The following SAMTOR variants were observed in gnomAD, a reference collection of about 807,000 sequenced individuals.
SAMTOR encodes S-adenosylmethionine sensor upstream of mTORC1, also known as UPF0532 protein C7orf60.
At chr7:112,831,231 A>T in the SAMTOR span, among the ~76,000 whole-genome samples, 1 of 152,228 alleles carries the variant, frequency 6.6e-6, no homozygotes, top group Non-Finnish European at 1.5e-5. Flanking sequence ...GTAAAATGGT[A>T]AACATAATGA....
the SAMTOR span, among the ~76,000 whole-genome samples, chr7:112,861,202 C>A: frequency 6.6e-6 from 1 of 152,132 alleles, no homozygotes; most frequent in Non-Finnish European, 1.5e-5. Flanking sequence ...AACTTGCTGG[C>A]AACCTATACT....
chr7:112,859,417 G>C, the SAMTOR span, among the ~76,000 whole-genome samples: 1 of 152,170 alleles, frequency 6.6e-6, no homozygotes, highest in African/African-American at 2.4e-5. Flanking sequence ...TCTTGGAAAA[G>C]TAAAGCACAC....
the SAMTOR span, among the ~76,000 whole-genome samples, chr7:112,864,862 C>T: frequency 6.6e-6 from 1 of 152,180 alleles, no homozygotes; most frequent in East Asian, 1.9e-4. Flanking sequence ...TTAAGTGATC[C>T]TCCCGCCTCA....
the SAMTOR span, among the ~76,000 whole-genome samples, chr7:112,930,537 A>G: frequency 6.6e-6 from 1 of 152,030 alleles, no homozygotes; most frequent in Non-Finnish European, 1.5e-5. Context: ...CAAAAAAAAA[A>G]AAAAGAAGAA....
the SAMTOR span, among the ~76,000 whole-genome samples, chr7:112,838,116 C>T: frequency 6.0e-4 from 91 of 151,942 alleles, no homozygotes; most frequent in African/African-American, 1.9e-3. Flanking sequence ...TGTGAGAGAG[C>T]GGAAACAAGG....
At chr7:112,926,713 A>G in the SAMTOR span, among the ~76,000 whole-genome samples, 1 of 152,172 alleles carries the variant, frequency 6.6e-6, no homozygotes, top group Non-Finnish European at 1.5e-5. Flanking sequence ...CTCCATATTA[A>G]ATGCTACAGA....
At chr7:112,939,816 G>C in the SAMTOR span, 11 of 1,308,938 alleles carry the variant, frequency 8.4e-6, no homozygotes, top group African/African-American at 1.5e-5. Context: ...TGGAGGAGGT[G>C]GGGTAGGAGG....
the SAMTOR span, among the ~76,000 whole-genome samples, chr7:112,852,351 C>T: frequency 2.3e-4 from 35 of 152,146 alleles, no homozygotes; most frequent in Admixed American, 1.7e-3. Context: ...AGTATAATGA[C>T]TCAGAAAGCC....
At chr7:112,929,784 C>T in the SAMTOR span, among the ~76,000 whole-genome samples, 2 of 151,906 alleles carry the variant, frequency 1.3e-5, no homozygotes, top group Non-Finnish European at 2.9e-5. Flanking sequence ...ATGTTCTACG[C>T]CTTATTGTGG....
chr7:112,923,810 C>T, the SAMTOR span, among the ~76,000 whole-genome samples: 1,577 of 151,986 alleles, frequency 0.01, 27 homozygotes, highest in African/African-American at 0.036. Context: ...CCAACAATGA[C>T]AGACTGGATT....
the SAMTOR span, among the ~76,000 whole-genome samples, chr7:112,860,009 C>T: frequency 6.6e-6 from 1 of 152,146 alleles, no homozygotes; most frequent in Non-Finnish European, 1.5e-5. Flanking sequence ...ACTTCTAGTC[C>T]CGTAAGTTCC....
chr7:112,832,692 T>C, the SAMTOR span: 1 of 1,432,308 alleles, frequency 7.0e-7, no homozygotes, highest in South Asian at 1.2e-5. Flanking sequence ...ACAGATATTT[T>C]ATAAGAACAA....
chr7:112,926,339 A>G, the SAMTOR span, among the ~76,000 whole-genome samples: 1 of 152,308 alleles, frequency 6.6e-6, no homozygotes, highest in African/African-American at 2.4e-5. Context: ...TCTACTAGCT[A>G]TAAGATGCAA....
the SAMTOR span, among the ~76,000 whole-genome samples, chr7:112,841,786 C>T: frequency 6.6e-6 from 1 of 151,992 alleles, no homozygotes; most frequent in South Asian, 2.1e-4. Flanking sequence ...CATCTACAAC[C>T]ATCTGATCTT....
At chr7:112,912,438 C>T in the SAMTOR span, among the ~76,000 whole-genome samples, 3 of 152,062 alleles carry the variant, frequency 2.0e-5, no homozygotes, top group East Asian at 5.8e-4. Context: ...CCTCATATAA[C>T]ATATTCCCAT....
the SAMTOR span, among the ~76,000 whole-genome samples, chr7:112,830,856 C>T: frequency 2.0e-5 from 3 of 151,440 alleles, no homozygotes; most frequent in Non-Finnish European, 4.4e-5. Context: ...TGTATAAGAG[C>T]TACTATGCTT....
chr7:112,832,290 C>T, the SAMTOR span, among the ~76,000 whole-genome samples: 5 of 152,096 alleles, frequency 3.3e-5, no homozygotes, highest in African/African-American at 1.2e-4. Flanking sequence ...GTTGGGATTA[C>T]AGGAGTGATC....
At chr7:112,915,435 T>C in the SAMTOR span, 4 of 1,591,572 alleles carry the variant, frequency 2.5e-6, no homozygotes, top group Non-Finnish European at 3.4e-6. Flanking sequence ...CCAGATCTTA[T>C]CAAAATCTCC....
chr7:112,847,294 G>C, the SAMTOR span, among the ~76,000 whole-genome samples: 1 of 152,138 alleles, frequency 6.6e-6, no homozygotes, highest in Non-Finnish European at 1.5e-5. Flanking sequence ...TGGTACAACA[G>C]GATCTTTATT....
Sources: allele counts gnomAD v4.1 joint callset (sites outside exome capture counted in the v4.1 genomes callset), GRCh38; gene constraint gnomAD v4.1.1; transcripts MANE v1.5; gene names NCBI Gene and HGNC (gene_info 2026-07-23, HGNC 2026-07-21).